Variants in CELSR1 observed in about 807,000 individuals in gnomAD.
CELSR1 encodes adhesion G protein-coupled receptor C1.
CELSR1 carries 110 observed loss-of-function variants against 249.1 expected under a neutral mutation model. That is an observed-to-expected ratio of 0.44 (90% CI 0.38 to 0.52). CELSR1 has a LOEUF of 0.52. CELSR1 is among the 20% of genes least tolerant of loss of function. The pLI is 0.00. For synonymous variants in CELSR1, 2,113 were observed against 1,900.0 expected, an observed-to-expected ratio of 1.11 and a Z score of -2.92; for missense variants, 4,109 against 4,296.4, an observed-to-expected ratio of 0.96 and a Z score of 1.22.
chr22:46,370,295 C>G, intron 25 of CELSR1: 1 of 370,772 alleles, frequency 2.7e-6, no homozygotes, highest in African/African-American at 2.1e-5. Flanking sequence ...CACATCCAAC[C>G]ACGTGCACAT....
intron 9 of CELSR1, among the ~76,000 whole-genome samples, chr22:46,404,412 A>C (rs894126399): frequency 1.3e-5 from 2 of 149,530 alleles, no homozygotes; most frequent in African/African-American, 4.9e-5. Flanking sequence ...ACTCCATTTC[A>C]AAAAAAAAAG....
Position 46,410,670 on chromosome 22 carries a change from G to T in CELSR1, c.4770-109C>A. 1 of 1,164,332 alleles carries T rather than the reference G, an allele frequency of 8.6e-7. No individual in the cohort carries two copies. The highest frequency in any genetic ancestry group is 1.4e-5 in the South Asian group (1 of 69,312). The allele number at this position is 1,164,332 out of a possible 1,614,324, so 72.1% of individuals were successfully genotyped here. A position where few individuals can be genotyped will look rare whatever the true frequency, so the allele number is the denominator to read the frequency against. ...AGCCTCTACCACCATAACTACTTCA[G>T]AAACCAAGCAGACAGGCGGGGAGAG... is the stretch of plus-strand genomic sequence containing the variant. On this transcript the variant is annotated intron_variant, in intron 6 of 34. Transcript: ENST00000674500. This position sits in a 1 kb window ranked among gnomAD's most constrained non-coding sequence, Gnocchi z 6.8.
At chr22:46,525,214 CG>C in intron 1 of CELSR1, among the ~76,000 whole-genome samples, 1 of 152,136 alleles carries the variant, frequency 6.6e-6, no homozygotes, top group African/African-American at 2.4e-5. Flanking sequence ...TTTGGGAGGC[CG>C]AAGCGGGCAG....
At chr22:46,476,188 T>C (rs1207178634) in intron 1 of CELSR1, among the ~76,000 whole-genome samples, 1 of 152,136 alleles carries the variant, frequency 6.6e-6, no homozygotes, top group Non-Finnish European at 1.5e-5. Context: ...TGTCCACAAA[T>C]GCTCACCACA....
intron 1 of CELSR1, among the ~76,000 whole-genome samples, chr22:46,516,977 C>T (rs551871639): frequency 2.5e-4 from 38 of 152,318 alleles, no homozygotes; most frequent in African/African-American, 7.9e-4. Context: ...ATGCCCTTTT[C>T]GTGTTTTAAA....
chr22:46,377,320 C>A (rs2147205371), intron 23 of CELSR1, 59 bp from the exon 24 acceptor site: 1 of 1,521,914 alleles, frequency 6.6e-7, no homozygotes, highest in South Asian at 1.1e-5. Flanking sequence ...CAGATCTGGT[C>A]ATTGCATAAC....
At chr22:46,478,244 C>T (rs1280395952) in intron 1 of CELSR1, among the ~76,000 whole-genome samples, 1 of 152,206 alleles carries the variant, frequency 6.6e-6, no homozygotes. Flanking sequence ...CCAGCTGAGC[C>T]CAGAGATTGA....
rs11341314 is a variant in CELSR1, at chr22:46,504,504, C to CAAAA, written c.3544+29119_3544+29122dup. ...ATCCCAGCCTGGCGACATCTGTCTCCAAAAAAAAAAAAAAAACAAAAAAAA... is the reference window on the plus strand; with the variant it reads ...ATCCCAGCCTGGCGACATCTGTCTCCAAAAAAAAAAAAAAAAAAAACAAAAAAAA... On this transcript the variant is annotated intron_variant, in intron 1 of 34. Coordinates refer to ENST00000674500, the MANE Select transcript of CELSR1 (RefSeq NM_001378328.1). Among the ~76,000 whole-genome samples the CAAAA allele has an allele frequency of 5.0e-3, 544 of 109,252 alleles. 4 individuals carry two copies. The highest frequency in any genetic ancestry group is 0.019 in the African/African-American group (523 of 28,058). The allele number at this position is 109,252 out of a possible 152,430, so 71.7% of individuals were successfully genotyped here. A position where few individuals can be genotyped will look rare whatever the true frequency, so the allele number is the denominator to read the frequency against.
At chr22:46,366,665 G>A (rs1311983294) in intron 29 of CELSR1, among the ~76,000 whole-genome samples, 185 bp from the exon 30 acceptor site, 1 of 152,164 alleles carries the variant, frequency 6.6e-6, no homozygotes, top group Non-Finnish European at 1.5e-5. Flanking sequence ...CCTGGCAGCT[G>A]AGGGAAGCAC....
rs1428005486 is a variant in CELSR1 at position 46,363,935 on chromosome 22, C to CTCCT, written c.9035+57_9035+60dup. 2.0e-6 allele frequency: 3 copies of CTCCT among 1,488,008 alleles called. No individual in the cohort carries two copies. The Admixed American group carries it at 7.6e-5, about 38-fold the overall frequency. 92.2% of individuals were successfully genotyped at this position (1,488,008 alleles called of 1,614,324 possible). The stretch of plus-strand genomic sequence containing the variant: ...GGTCCCTGACCACTGCCCCCTCTCT[C>CTCCT]TCCTGACTCAGGACAAGGGGGAAGT... On this transcript the variant is annotated intron_variant, in intron 34 of 34. Coordinates refer to ENST00000674500, the MANE Select transcript of CELSR1 (RefSeq NM_001378328.1). This position sits in a 1 kb window ranked among gnomAD's most constrained non-coding sequence, Gnocchi z 4.3.
At chr22:46,435,320 C>T (rs2079646675) in intron 4 of CELSR1, among the ~76,000 whole-genome samples, 1 of 135,990 alleles carries the variant, frequency 7.4e-6, no homozygotes, top group Admixed American at 7.9e-5. Flanking sequence ...CTCACTCTGT[C>T]ACCCAGGCTG....
Position 46,402,074 on chromosome 22 carries a change from C to T in CELSR1, c.5227-2172G>A, listed in dbSNP as rs148618646. ...CCGCACTCCAGCCTGGGCGATGGAG[C>T]GAGACTCCATCTCAAAAACACACAA... On this transcript the variant is annotated intron_variant, in intron 9 of 34. Transcript: ENST00000674500. The surrounding 1 kb of genome is among the most constrained non-coding windows in gnomAD (Gnocchi z 5.0). 6.7e-4 allele frequency among the ~76,000 whole-genome samples: 102 copies of T among 152,126 alleles called. No individual in the cohort carries two copies. The highest frequency in any genetic ancestry group is 2.3e-3 in the African/African-American group (94 of 41,500).
chr22:46,388,711 T>C (rs1330719919), intron 18 of CELSR1, among the ~76,000 whole-genome samples: 1 of 152,182 alleles, frequency 6.6e-6, no homozygotes, highest in Non-Finnish European at 1.5e-5. Flanking sequence ...TTTCCAAATA[T>C]CAGGCTGCGT....
In CELSR1 at chr22:46,448,575, G is replaced by A; in HGVS notation, c.4184-9164C>T. The A allele has an allele frequency of 2.3e-6, 1 of 438,734 alleles. No homozygotes were observed. The highest frequency in any genetic ancestry group is 2.6e-5 in the Admixed American group (1 of 38,920). 27.2% of individuals were successfully genotyped at this position (438,734 alleles called of 1,614,324 possible). Reference sequence around the variant, plus strand: ...TTCTGGTCCTAAGAAACAGCTAAGAGCTTTGAACTAGAAAAACTAGAATTT... The same window carrying A: ...TTCTGGTCCTAAGAAACAGCTAAGAACTTTGAACTAGAAAAACTAGAATTT... On this transcript the variant is annotated intron_variant, in intron 2 of 34. Coordinates refer to ENST00000674500, the MANE Select transcript of CELSR1 (RefSeq NM_001378328.1). This position sits in a 1 kb window ranked among gnomAD's most constrained non-coding sequence, Gnocchi z 5.7.
Position 46,473,373 on chromosome 22 carries a change from C to T in CELSR1, c.3545-9028G>A, listed in dbSNP as rs1159233113. Reference sequence around the variant, plus strand: ...CCTAGTCCTGGCATGGGAGGGTCTGCTGAGGACATGGAGGAGGAAAGGCCA... The same window carrying T: ...CCTAGTCCTGGCATGGGAGGGTCTGTTGAGGACATGGAGGAGGAAAGGCCA... On this transcript the variant is annotated intron_variant, in intron 1 of 34. Transcript: ENST00000674500. This position sits in a 1 kb window ranked among gnomAD's most constrained non-coding sequence, Gnocchi z 6.6. Among the ~76,000 whole-genome samples the T allele has an allele frequency of 6.6e-6, 1 of 152,088 alleles. No homozygotes were observed. The highest frequency in any genetic ancestry group is 1.5e-5 in the Non-Finnish European group (1 of 68,034).
chr22:46,524,570 GTCTGTC>G (rs200321002), intron 1 of CELSR1, among the ~76,000 whole-genome samples: 3,866 of 63,668 alleles, frequency 0.061, 163 homozygotes, highest in African/African-American at 0.12. Flanking sequence ...GTGTGTGTGT[GTCTGTC>G]TGTCTGTGTG....
chr22:46,389,082 G>A (rs1220897055), intron 18 of CELSR1, among the ~76,000 whole-genome samples: 1 of 152,244 alleles, frequency 6.6e-6, no homozygotes, highest in Non-Finnish European at 1.5e-5. Context: ...TGACCTGCAT[G>A]TTTCCTTCCA....
At chr22:46,368,281 G>A (rs1340017711) in intron 27 of CELSR1, among the ~76,000 whole-genome samples, 3 of 152,070 alleles carry the variant, frequency 2.0e-5, no homozygotes, top group African/African-American at 7.2e-5. Flanking sequence ...GTGTACAAGG[G>A]GAAGACAAAG....
intron 5 of CELSR1, among the ~76,000 whole-genome samples, chr22:46,421,051 C>G (rs1245270512): frequency 6.6e-6 from 1 of 152,220 alleles, no homozygotes; most frequent in Non-Finnish European, 1.5e-5. Context: ...CCATCATCTA[C>G]TCTGTGCTTC....
Sources: gnomAD v4.1 joint callset for allele counts (sites outside exome capture counted in the v4.1 genomes callset) on GRCh38, gnomAD v4.1.1 for gene constraint, Gnocchi (gnomAD v3.1) non-coding constraint, MANE v1.5 for transcripts, NCBI Gene and HGNC (gene_info 2026-07-23, HGNC 2026-07-21) for gene names.